The following MBD2 variants were observed in gnomAD, a reference collection of about 807,000 sequenced individuals.
The protein encoded by MBD2 is methyl-CpG-binding domain protein 2.
A neutral mutation model predicts 39.3 loss-of-function variants in MBD2; 9 were observed. The observed-to-expected ratio is 0.23, with a 90% CI of 0.14 to 0.40. The LOEUF (loss-of-function observed/expected upper bound fraction) is 0.40, where lower values mean the gene tolerates loss of function less well. Ranked by LOEUF, MBD2 falls within the 10% of genes least tolerant of loss-of-function variation. MBD2 has a pLI of 1.00. For missense variants in MBD2, 458 were observed against 532.6 expected (o/e 0.86, Z 1.38); for synonymous variants, 233 against 211.1 (o/e 1.10, Z -0.90).
At chr18:54,201,900 A>G (rs1378060067) in intron 2 of MBD2, among the ~76,000 whole-genome samples, 2 of 151,826 alleles carry the variant, frequency 1.3e-5, no homozygotes, top group Non-Finnish European at 2.9e-5. Context: ...AATCACACCT[A>G]AAGATATTAT....
intron 2 of MBD2, among the ~76,000 whole-genome samples, chr18:54,201,298 C>A (rs2086405744): frequency 6.6e-6 from 1 of 152,054 alleles, no homozygotes; most frequent in Admixed American, 6.6e-5. Flanking sequence ...TTTCCATTAA[C>A]CTAATGGAAT....
intron 6 of MBD2, among the ~76,000 whole-genome samples, chr18:54,156,560 A>G (rs949443246): frequency 1.3e-5 from 2 of 152,170 alleles, no homozygotes; most frequent in Admixed American, 6.5e-5. Flanking sequence ...CTGTAAAGGA[A>G]GCAAAAGTCG....
intron 5 of MBD2, among the ~76,000 whole-genome samples, chr18:54,161,753 C>T (rs1255360198): frequency 6.6e-6 from 1 of 152,184 alleles, no homozygotes; most frequent in Non-Finnish European, 1.5e-5. Flanking sequence ...AGTCCCTCTT[C>T]CCCAAAACCA....
intron 3 of MBD2, among the ~76,000 whole-genome samples, chr18:54,177,827 C>CTTTTTTTTTTTT (rs34113185): frequency 1.1e-5 from 1 of 87,198 alleles, no homozygotes; most frequent in Non-Finnish European, 2.1e-5. Context: ...TTTTTCCTCT[C>CTTTTTTTTTTTT]TTTTTTTTTT....
intron 6 of MBD2, among the ~76,000 whole-genome samples, chr18:54,158,954 G>C (rs538471879): frequency 1.6e-4 from 25 of 152,214 alleles, no homozygotes; most frequent in South Asian, 4.1e-4. Flanking sequence ...TTAAGGTAAA[G>C]TATTTATTAT....
At chr18:54,192,596 TTCAGTAGACACA>T (rs1178750264) in intron 2 of MBD2, among the ~76,000 whole-genome samples, 1 of 152,182 alleles carries the variant, frequency 6.6e-6, no homozygotes, top group Non-Finnish European at 1.5e-5. Context: ...ATGTGTCTAC[TTCAGTAGACACA>T]CAGAAGTATT....
intron 1 of MBD2, among the ~76,000 whole-genome samples, chr18:54,221,715 G>A (rs2086614609): frequency 6.6e-6 from 1 of 152,064 alleles, no homozygotes; most frequent in South Asian, 2.1e-4. Flanking sequence ...GATGCACTGA[G>A]CCGAGATCGC....
At chr18:54,218,555 C>T (rs2086581500) in intron 1 of MBD2, among the ~76,000 whole-genome samples, 1 of 152,222 alleles carries the variant, frequency 6.6e-6, no homozygotes, top group Non-Finnish European at 1.5e-5. Flanking sequence ...CCACCAGCTT[C>T]AGGTTGTATC....
At chr18:54,213,798 A>G (rs1331651042) in intron 1 of MBD2, among the ~76,000 whole-genome samples, 1 of 152,118 alleles carries the variant, frequency 6.6e-6, no homozygotes, top group East Asian at 1.9e-4. Flanking sequence ...TTTTCCATCT[A>G]TTTTTGCCTA....
chr18:54,172,153 AG>A lies in MBD2; in HGVS notation c.841-5988del, dbSNP rs761434832. ...CTGTGCCTGATGCTGCCTCTTCCTT[AG>A]GCAGAATTGAGAAGACAGGCTTATA... On this transcript the variant is annotated intron_variant, in intron 3 of 6. Transcript: ENST00000256429. Among the ~76,000 whole-genome samples the A allele has an allele frequency of 6.3e-4, 96 of 152,238 alleles. 1 individual carries two copies. The highest frequency in any genetic ancestry group is 2.1e-4 in the Non-Finnish European group (14 of 68,044).
At chr18:54,192,167 A>G (rs2086324418) in intron 2 of MBD2, among the ~76,000 whole-genome samples, 1 of 152,252 alleles carries the variant, frequency 6.6e-6, no homozygotes, top group South Asian at 2.1e-4. Flanking sequence ...ATAAATGCTT[A>G]CAGGGAACTT....
intron 3 of MBD2, among the ~76,000 whole-genome samples, chr18:54,179,858 A>T (rs1160404646): frequency 1.3e-5 from 2 of 152,096 alleles, no homozygotes; most frequent in Non-Finnish European, 2.9e-5. Flanking sequence ...TCTATTCAAC[A>T]TTGTATTGGA....
At position 54,155,213 on chromosome 18, in the gene MBD2, T is replaced by G; in HGVS notation, c.*111A>C. On this transcript the variant is annotated 3_prime_UTR_variant, in exon 7 of 7. Transcript: ENST00000256429. ...GTTAGTGCTATTAAAAAGCTCTATG[T>G]GCTCGGGTACATTTTTTTTCTTACA... 2 of 152,422 alleles carry G rather than the reference T, an allele frequency of 1.3e-5. No homozygotes were observed. The highest frequency in any genetic ancestry group is 2.1e-4 in the South Asian group (1 of 4,828). 9.4% of individuals were successfully genotyped at this position (152,422 alleles called of 1,614,324 possible).
rs1411164198 is a variant in MBD2, at chr18:54,224,226, CGCA to C, written c.331_333del (p.Cys111del). On this transcript the variant is annotated inframe_deletion, in exon 1 of 7. Coordinates refer to ENST00000256429, the MANE Select transcript of MBD2 (RefSeq NM_003927.5). Reference sequence around the variant, plus strand: ...CCGCCGCCACCGCTGCCGCCGCCGCCGCAGCCGCCGCCGTCGCCGCCAAGGCCG... The same window carrying C: ...CCGCCGCCACCGCTGCCGCCGCCGCCGCCGCCGCCGTCGCCGCCAAGGCCG... The C allele has an allele frequency of 8.6e-6, 9 of 1,047,802 alleles. No individual in the cohort carries two copies. In the East Asian group the frequency reaches 4.9e-4, roughly 57 times the overall value. 64.9% of individuals were successfully genotyped at this position (1,047,802 alleles called of 1,614,324 possible). A position where few individuals can be genotyped will look rare whatever the true frequency, so the allele number is the denominator to read the frequency against.
intron 1 of MBD2, among the ~76,000 whole-genome samples, chr18:54,215,677 G>A (rs2086552386): frequency 6.6e-6 from 1 of 151,602 alleles, no homozygotes; most frequent in Admixed American, 6.6e-5. Context: ...TGTATTTTTA[G>A]TAAAGAAGGG....
chr18:54,157,868 G>A (rs532889727), intron 6 of MBD2, among the ~76,000 whole-genome samples: 17 of 151,858 alleles, frequency 1.1e-4, no homozygotes, highest in South Asian at 2.1e-4. Context: ...ACCTGGTCAC[G>A]TGATTCTTTC....
At chr18:54,214,128 A>T (rs2086534688) in intron 1 of MBD2, among the ~76,000 whole-genome samples, 1 of 150,752 alleles carries the variant, frequency 6.6e-6, no homozygotes, top group South Asian at 2.1e-4. Context: ...CCCACTGAGC[A>T]GGGGTTACTT....
At chr18:54,185,789 C>T (rs1248335276) in intron 3 of MBD2, among the ~76,000 whole-genome samples, 1 of 152,074 alleles carries the variant, frequency 6.6e-6, no homozygotes, top group Non-Finnish European at 1.5e-5. Flanking sequence ...TACACTGATG[C>T]TATATACAAA....
At chr18:54,168,275 T>C (rs906951767) in intron 3 of MBD2, among the ~76,000 whole-genome samples, 1 of 151,514 alleles carries the variant, frequency 6.6e-6, no homozygotes, top group Non-Finnish European at 1.5e-5. Context: ...TTCAAACTTC[T>C]ATCAGTAACA....
Sources: gnomAD v4.1 joint callset for allele counts (sites outside exome capture counted in the v4.1 genomes callset) on GRCh38, gnomAD v4.1.1 for gene constraint, MANE v1.5 for transcripts, NCBI Gene and HGNC (gene_info 2026-07-23, HGNC 2026-07-21) for gene names.